The following DNAH6 variants were observed in gnomAD, a reference collection of about 807,000 sequenced individuals.
The protein encoded by DNAH6 is dynein axonemal heavy chain 6.
Under a neutral mutation model 491.4 loss-of-function variants are expected in DNAH6, and 340 were observed. The observed-to-expected ratio is 0.69, with a 90% CI of 0.63 to 0.76. The LOEUF is 0.76. Among genes scored for constraint, DNAH6 ranks in the 30% least tolerant of loss-of-function variants. DNAH6 has a pLI of 0.00. For missense variants in DNAH6, 4,443 were observed against 4,972.2 expected, an observed-to-expected ratio of 0.89 and a Z score of 3.20; for synonymous variants, 1,603 against 1,686.1, an observed-to-expected ratio of 0.95 and a Z score of 1.21.
At chr2:84,725,933 T>A (rs987617713) in intron 60 of DNAH6, among the ~76,000 whole-genome samples, 1 of 152,162 alleles carries the variant, frequency 6.6e-6, no homozygotes, top group African/African-American at 2.4e-5. Context: ...AAAACAAAAC[T>A]CTATTACCTT....
intron 44 of DNAH6, 35 bp downstream of exon 44, chr2:84,686,592 A>G (rs1307356051): frequency 8.5e-7 from 1 of 1,173,436 alleles, no homozygotes; most frequent in South Asian, 1.5e-5. Context: ...CTCATTTGAA[A>G]ATTGTAAAGC....
chr2:84,611,863 C>A lies in DNAH6; in HGVS notation c.3475+9C>A. 6.5e-7 allele frequency: 1 copy of A among 1,547,932 alleles called. No homozygotes were observed. Among genetic ancestry groups the A allele is most frequent in the African/African-American group, 1.4e-5 (1 of 72,930 alleles). ...AGCCGCTACTCAGCCAGGTATGAAA[C>A]AAAATTCCAAACAAGCAAAAAGACT... On this transcript the variant is annotated intron_variant, in intron 22 of 76. Coordinates refer to ENST00000389394, the MANE Select transcript of DNAH6 (RefSeq NM_001370.2).
At chr2:84,648,108 A>T (rs970767562) in intron 33 of DNAH6, among the ~76,000 whole-genome samples, 1 of 152,254 alleles carries the variant, frequency 6.6e-6, no homozygotes, top group Non-Finnish European at 1.5e-5. Flanking sequence ...GAGCATGTTT[A>T]TGTAAAATTA....
Position 84,693,575 on chromosome 2 carries a change from C to T in DNAH6, c.7293-674C>T, listed in dbSNP as rs149774363. ...TGGCTAAGACGGTGAAACCCCGTCT[C>T]TACTAAAAATACAAAAAATTAGCCG... On this transcript the variant is annotated intron_variant, in intron 45 of 76. Coordinates refer to ENST00000389394, the MANE Select transcript of DNAH6 (RefSeq NM_001370.2). Among the ~76,000 whole-genome samples the T allele has an allele frequency of 2.2e-4, 34 of 152,040 alleles. No individual in the cohort carries two copies. In the East Asian group the frequency reaches 5.0e-3, roughly 22 times the overall value.
chr2:84,624,716 T>C, intron 28 of DNAH6, 96 bp downstream of exon 28: 1 of 1,357,894 alleles, frequency 7.4e-7, no homozygotes, highest in Non-Finnish European at 9.9e-7. Flanking sequence ...TTGAAAGAAT[T>C]TATTATGAAT....
At position 84,727,766 on chromosome 2, in the gene DNAH6, A is replaced by G. The variant is rs1203672169; in HGVS notation, c.10070A>G (p.Asn3357Ser). The G allele has an allele frequency of 6.4e-6, 10 of 1,551,410 alleles. No homozygotes were observed. The Admixed American group carries it at 7.8e-5, about 12-fold the overall frequency. Residue 3357 changes from asparagine (N) to serine (S), a missense_variant, in exon 61 of 77, where the codon AAT becomes AGT. Physicochemically the swap from Asn to Ser is conservative, Grantham distance 46. This residue lies in a region of DNAH6 where 1,463 missense variants were observed against 1,656.6 expected (regional missense o/e 0.88). Transcript: ENST00000389394. ...LEQTLLTAYVNVSRGLFEQHK... is the reference protein window; with the variant it reads ...LEQTLLTAYVSVSRGLFEQHK... ...CAAACTCTCCTAACTGCTTATGTCAATGTTTCAAGAGGACTTTTTGAGCAA... is the reference window on the plus strand; with the variant it reads ...CAAACTCTCCTAACTGCTTATGTCAGTGTTTCAAGAGGACTTTTTGAGCAA...
Position 84,544,481 on chromosome 2 carries a change from A to C in DNAH6, c.911A>C (p.Asn304Thr), listed in dbSNP as rs770614858. 6.0e-6 allele frequency: 9 copies of C among 1,491,042 alleles called. No individual in the cohort carries two copies. The highest frequency in any genetic ancestry group is 2.0e-5 in the Admixed American group (1 of 50,612). The allele number at this position is 1,491,042 out of a possible 1,614,324, so 92.4% of individuals were successfully genotyped here. Residue 304 changes from asparagine to threonine, a missense_variant, in exon 5 of 77, where the codon AAT (asparagine) becomes ACT (threonine). By Grantham distance (65) the Asn-to-Thr change is moderately conservative. Around this residue, in one of 3 missense-constraint regions of DNAH6, gnomAD observed 2,977 missense variants for 3,296.6 expected, o/e 0.90. Transcript: ENST00000389394. ...GGATGTCAAAAATCTCTACAAAAAAATTTGTTCATTGTTAATCCTGTATGT... is the reference window on the plus strand; with the variant it reads ...GGATGTCAAAAATCTCTACAAAAAACTTTGTTCATTGTTAATCCTGTATGT... ...ITGCQKSLQK[N>T]LFIVNPHLRP... is the part of the protein sequence containing the mutation.
At chr2:84,551,396 G>GA (rs1679347157) in intron 9 of DNAH6, among the ~76,000 whole-genome samples, 1 of 28,826 alleles carries the variant, frequency 3.5e-5, no homozygotes, top group Non-Finnish European at 1.1e-4. Context: ...TACTTCAAAG[G>GA]GGAAAAAAGA....
intron 64 of DNAH6, chr2:84,777,576 A>G (rs878964020): frequency 5.1e-6 from 4 of 787,818 alleles, no homozygotes; most frequent in African/African-American, 5.1e-5. Flanking sequence ...TTCCACTGTT[A>G]CTTATCTGTA....
chr2:84,460,649 C>T, the DNAH6 span, among the ~76,000 whole-genome samples: 3 of 152,072 alleles, frequency 2.0e-5, no homozygotes, highest in East Asian at 1.9e-4. Context: ...AATAACTCAT[C>T]GTTGAATTGA....
chr2:84,707,144 G>C (rs1422209259), intron 53 of DNAH6, 125 bp downstream of exon 53: 2 of 1,112,694 alleles, frequency 1.8e-6, no homozygotes, highest in East Asian at 5.5e-5. Context: ...TAGCCTCCTA[G>C]GATCAAATAA....
At chr2:84,488,410 T>A in the DNAH6 span, among the ~76,000 whole-genome samples, 6 of 151,352 alleles carry the variant, frequency 4.0e-5, no homozygotes, top group Non-Finnish European at 8.9e-5. Flanking sequence ...ATAAAAAAAT[T>A]AAAAAAATTA....
At chr2:84,814,616 C>T (rs778209478) in intron 75 of DNAH6, among the ~76,000 whole-genome samples, 1 of 152,178 alleles carries the variant, frequency 6.6e-6, no homozygotes, top group African/African-American at 2.4e-5. Context: ...TAAAAGCCCC[C>T]ACCGGAGCTT....
chr2:84,704,390 T>C, intron 51 of DNAH6, 88 bp downstream of exon 51: 1 of 920,790 alleles, frequency 1.1e-6, no homozygotes, highest in African/African-American at 1.7e-5. Context: ...ATTCATTCCC[T>C]TCTCCACCTT....
At position 84,781,583 on chromosome 2, in the gene DNAH6, G is replaced by T. The variant is rs1301845310; in HGVS notation, c.10794G>T (p.Leu3598Phe). Residue 3598 changes from leucine to phenylalanine, a missense_variant, in exon 65 of 77, where the codon TTG becomes TTT. Physicochemically the swap from Leu to Phe is conservative, Grantham distance 22 (BLOSUM62 0). Coordinates refer to ENST00000389394, the MANE Select transcript of DNAH6 (RefSeq NM_001370.2). Reference protein sequence around the residue: ...DAMKSGNWVFLQNCHLAVSWM... With the variant: ...DAMKSGNWVFFQNCHLAVSWM... ...TGAAATCAGGAAACTGGGTATTTTT[G>T]CAAAATTGCCATCTTGCTGTTTCTT... 2.5e-5 allele frequency: 39 copies of T among 1,551,598 alleles called. No individual in the cohort carries two copies. The highest frequency in any genetic ancestry group is 3.4e-5 in the Non-Finnish European group (39 of 1,146,920).
chr2:84,529,551 AG>A (rs991826018), intron 4 of DNAH6, among the ~76,000 whole-genome samples: 1 of 10,388 alleles, frequency 9.6e-5, no homozygotes, highest in Non-Finnish European at 1.4e-4. Context: ...AGTAGAAATA[AG>A]GATTTTTTTA....
chr2:84,475,362 A>G, the DNAH6 span, among the ~76,000 whole-genome samples: 1 of 152,142 alleles, frequency 6.6e-6, no homozygotes, highest in Admixed American at 6.5e-5. Flanking sequence ...CCCTCTTCCC[A>G]TTTCCCAAAA....
At chr2:84,535,943 C>T (rs1198636155) in intron 4 of DNAH6, among the ~76,000 whole-genome samples, 3 of 151,934 alleles carry the variant, frequency 2.0e-5, no homozygotes, top group African/African-American at 7.2e-5. Flanking sequence ...TATGAAAATA[C>T]TTCTTAAAAA....
the DNAH6 span, among the ~76,000 whole-genome samples, chr2:84,509,304 G>T: frequency 6.6e-6 from 1 of 152,154 alleles, no homozygotes; most frequent in Non-Finnish European, 1.5e-5. Flanking sequence ...AGCTCTTCTT[G>T]TTGAATTGAT....
Sources: allele counts gnomAD v4.1 joint callset (sites outside exome capture counted in the v4.1 genomes callset), GRCh38; gene constraint gnomAD v4.1.1; regional missense constraint gnomAD v4.1.1; transcripts MANE v1.5; gene names NCBI Gene and HGNC (gene_info 2026-07-23, HGNC 2026-07-21).